GRIK2: variants seen among roughly 807,000 people sequenced by gnomAD.
GRIK2 encodes glutamate receptor ionotropic, kainate 2.
In GRIK2, 32 loss-of-function variants were observed where a neutral mutation model predicts 100.3. The ratio of observed to expected loss-of-function variants is 0.32; its 90% CI spans 0.24 to 0.43. GRIK2 has a LOEUF of 0.43. Among genes scored for constraint, GRIK2 ranks in the 20% least tolerant of loss-of-function variants. The probability of loss-of-function intolerance (pLI) is 1.00; values close to 1 mark genes in which losing one functional copy is unlikely to be tolerated. For synonymous variants in GRIK2, 417 were observed against 389.4 expected, an observed-to-expected ratio of 1.07 and a Z score of -0.83; for missense variants, 843 against 1,114.9, an observed-to-expected ratio of 0.76 and a Z score of 3.47.
At chr6:101,922,243 T>C (rs1248998345) in intron 12 of GRIK2, among the ~76,000 whole-genome samples, 2 of 152,002 alleles carry the variant, frequency 1.3e-5, no homozygotes, top group African/African-American at 4.8e-5. Flanking sequence ...ATGTATAAAT[T>C]TGGATATCTC....
intron 7 of GRIK2, among the ~76,000 whole-genome samples, chr6:101,724,809 T>A (rs1169943586): frequency 3.9e-5 from 6 of 151,970 alleles, no homozygotes; most frequent in Admixed American, 1.3e-4. Flanking sequence ...ATAAGTGATA[T>A]GCCTGAAAAA....
At chr6:102,018,062 T>G (rs2114349518) in intron 14 of GRIK2, among the ~76,000 whole-genome samples, 1 of 152,312 alleles carries the variant, frequency 6.6e-6, no homozygotes, top group Admixed American at 6.5e-5. Context: ...ACTTGTGTTT[T>G]TGCATTCTAG....
intron 2 of GRIK2, among the ~76,000 whole-genome samples, chr6:101,527,718 G>T (rs1775223060): frequency 6.6e-6 from 1 of 152,086 alleles, no homozygotes; most frequent in Admixed American, 6.5e-5. Flanking sequence ...TTAAGAGCTT[G>T]TTCAAGGGCT....
chr6:101,930,354 AT>A (rs1327245732), intron 14 of GRIK2, among the ~76,000 whole-genome samples: 1,670 of 34,648 alleles, frequency 0.048, 35 homozygotes, highest in African/African-American at 0.15. Context: ...AAAAAAAAAA[AT>A]AAAATAAAAT....
At chr6:102,024,328 T>TAATGACATAATACCTGTAGCCACTGTAA (rs1769580544) in intron 14 of GRIK2, among the ~76,000 whole-genome samples, 1 of 151,172 alleles carries the variant, frequency 6.6e-6, no homozygotes, top group Non-Finnish European at 1.5e-5. Context: ...TACCTGTAGC[T>TAATGACATAATACCTGTAGCCACTGTAA]TGAAATCATT....
At chr6:101,883,270 C>G (rs1001576428) in intron 11 of GRIK2, among the ~76,000 whole-genome samples, 1 of 147,026 alleles carries the variant, frequency 6.8e-6, no homozygotes, top group Admixed American at 6.9e-5. Context: ...ATACAAACCT[C>G]AAGAGTATTC....
At chr6:101,548,593 C>T (rs529236198) in intron 2 of GRIK2, among the ~76,000 whole-genome samples, 382 of 152,306 alleles carry the variant, frequency 2.5e-3, no homozygotes, top group African/African-American at 8.8e-3. Context: ...TTCCTCGTTT[C>T]TCGTTTTTGT....
intron 12 of GRIK2, among the ~76,000 whole-genome samples, chr6:101,917,597 T>A (rs1468468401): frequency 6.6e-6 from 1 of 150,936 alleles, no homozygotes; most frequent in African/African-American, 2.4e-5. Context: ...TTTTTTTTTT[T>A]AAGTTTGGAT....
chr6:101,457,228 T>C (rs1771056893), intron 2 of GRIK2, among the ~76,000 whole-genome samples: 1 of 152,140 alleles, frequency 6.6e-6, no homozygotes, highest in Non-Finnish European at 1.5e-5. Flanking sequence ...AATTTTAATA[T>C]CAACATCAAT....
chr6:102,026,138 A>G (rs1303361004), intron 14 of GRIK2, among the ~76,000 whole-genome samples: 3 of 139,232 alleles, frequency 2.2e-5, no homozygotes, highest in Admixed American at 1.4e-4. Flanking sequence ...ATATATATAT[A>G]TATATATATA....
At chr6:101,737,700 T>C (rs746049148) in intron 7 of GRIK2, among the ~76,000 whole-genome samples, 2 of 152,218 alleles carry the variant, frequency 1.3e-5, no homozygotes, top group Non-Finnish European at 2.9e-5. Flanking sequence ...AATGAAACCA[T>C]GACTACATTT....
chr6:101,790,412 A>C (rs1779758488), intron 7 of GRIK2, among the ~76,000 whole-genome samples: 1 of 152,098 alleles, frequency 6.6e-6, no homozygotes, highest in Admixed American at 6.5e-5. Flanking sequence ...AATTTTTAGC[A>C]TGAAGGGTTG....
chr6:101,567,434 A>AT (rs35331453), intron 2 of GRIK2, among the ~76,000 whole-genome samples: 2 of 151,718 alleles, frequency 1.3e-5, no homozygotes, highest in East Asian at 3.9e-4. Context: ...AGCATTCTTC[A>AT]TTTTTTTTCT....
At chr6:101,648,649 T>C (rs1211073528) in intron 4 of GRIK2, among the ~76,000 whole-genome samples, 1 of 152,138 alleles carries the variant, frequency 6.6e-6, no homozygotes, top group Non-Finnish European at 1.5e-5. Context: ...AAAGATTGAA[T>C]TCAAAGCATA....
At chr6:101,423,621 T>C (rs190174497) in intron 2 of GRIK2, among the ~76,000 whole-genome samples, 5 of 152,328 alleles carry the variant, frequency 3.3e-5, no homozygotes, top group Admixed American at 3.3e-4. Flanking sequence ...TATTCATGTC[T>C]TTGCCAACTT....
chr6:101,781,157 A>T (rs960148356), intron 7 of GRIK2, among the ~76,000 whole-genome samples: 1 of 151,908 alleles, frequency 6.6e-6, no homozygotes, highest in Admixed American at 6.6e-5. Context: ...TTGGGCCTCT[A>T]TGTAATTCCA....
At position 101,768,941 on chromosome 6, in the gene GRIK2, T is replaced by C. The variant is rs139017333; in HGVS notation, c.952-30707T>C. On this transcript the variant is annotated intron_variant, in intron 7 of 16. Transcript: ENST00000369134. ...AATAACTTCTTTGTGAAATATTTAC[T>C]ATTTTTCTGATTTAAAAAAAGACAG... Among the ~76,000 whole-genome samples the C allele has an allele frequency of 1.1e-3, 171 of 152,286 alleles. 1 individual carries two copies. In the Middle Eastern group the frequency reaches 0.017, roughly 15 times the overall value.
intron 14 of GRIK2, among the ~76,000 whole-genome samples, chr6:101,990,627 T>A (rs986473826): frequency 6.6e-6 from 1 of 151,568 alleles, no homozygotes; most frequent in African/African-American, 2.4e-5. Flanking sequence ...TGAGCAGCAA[T>A]TCCTTCAAAA....
intron 10 of GRIK2, among the ~76,000 whole-genome samples, chr6:101,849,830 TTTTTTTTTTG>T (rs1784027480): frequency 9.8e-6 from 1 of 102,244 alleles, no homozygotes; most frequent in African/African-American, 3.9e-5. Flanking sequence ...TTTTTTTTTT[TTTTTTTTTTG>T]GTCAACCCTA....
Sources: gnomAD v4.1 joint callset for allele counts (sites outside exome capture counted in the v4.1 genomes callset) on GRCh38, gnomAD v4.1.1 for gene constraint, MANE v1.5 for transcripts, NCBI Gene and HGNC (gene_info 2026-07-23, HGNC 2026-07-21) for gene names.